Variants in CTNNA2 observed in about 807,000 individuals in gnomAD.
CTNNA2 encodes catenin alpha 2.
CTNNA2 carries 42 observed loss-of-function variants against 101.0 expected under a neutral mutation model. The observed-to-expected ratio is 0.42, with a 90% CI of 0.32 to 0.54. CTNNA2 has a LOEUF of 0.54. Ranked by LOEUF, CTNNA2 falls within the 20% of genes least tolerant of loss-of-function variation. The pLI is 0.14. For missense variants in CTNNA2, 871 were observed against 1,223.1 expected (o/e 0.71, Z 4.29); for synonymous variants, 450 against 456.4 (o/e 0.99, Z 0.18).
intron 3 of CTNNA2, among the ~76,000 whole-genome samples, chr2:79,801,253 T>G (rs1240474663): frequency 6.6e-6 from 1 of 152,160 alleles, no homozygotes; most frequent in Non-Finnish European, 1.5e-5. Flanking sequence ...AGATGGAACC[T>G]AACAGCAGCT....
At chr2:80,039,045 G>A (rs1695857338) in intron 7 of CTNNA2, among the ~76,000 whole-genome samples, 1 of 152,152 alleles carries the variant, frequency 6.6e-6, no homozygotes, top group South Asian at 2.1e-4. Context: ...GCAGGGAGTG[G>A]AGGTGGGAAA....
chr2:80,261,799 C>G (rs1672629278), intron 7 of CTNNA2, among the ~76,000 whole-genome samples: 1 of 152,162 alleles, frequency 6.6e-6, no homozygotes, highest in South Asian at 2.1e-4. Context: ...ATTTATTAGT[C>G]TAAATCCAAC....
intron 7 of CTNNA2, among the ~76,000 whole-genome samples, chr2:80,077,556 A>T (rs559769412): frequency 2.0e-5 from 3 of 151,510 alleles, no homozygotes; most frequent in Non-Finnish European, 4.4e-5. Flanking sequence ...TGAGACCAGC[A>T]TGGGCAACAA....
chr2:80,535,213 C>G (rs1196272274), intron 9 of CTNNA2, among the ~76,000 whole-genome samples: 1 of 152,048 alleles, frequency 6.6e-6, no homozygotes, highest in Non-Finnish European at 1.5e-5. Context: ...CATTACTTTG[C>G]TAAATTCTGT....
chr2:80,239,638 G>A (rs968972938), intron 7 of CTNNA2, among the ~76,000 whole-genome samples: 81 of 152,098 alleles, frequency 5.3e-4, no homozygotes, highest in African/African-American at 1.6e-3. Context: ...ATGGCCTGGC[G>A]TGGTGGCTCA....
At chr2:79,674,190 T>C (rs1256267511) in intron 2 of CTNNA2, among the ~76,000 whole-genome samples, 1 of 152,214 alleles carries the variant, frequency 6.6e-6, no homozygotes, top group Non-Finnish European at 1.5e-5. Flanking sequence ...CAAATAAATA[T>C]GAGCCCTAGA....
chr2:79,188,436 T>G (rs1673810644), intron 1 of CTNNA2, among the ~76,000 whole-genome samples: 1 of 152,202 alleles, frequency 6.6e-6, no homozygotes, highest in South Asian at 2.1e-4. Context: ...GGGCACTTCA[T>G]TTTTGCAAGT....
intron 7 of CTNNA2, among the ~76,000 whole-genome samples, chr2:80,295,189 T>C (rs1292178522): frequency 1.3e-5 from 2 of 151,886 alleles, no homozygotes; most frequent in Non-Finnish European, 2.9e-5. Flanking sequence ...TGTGGCCACT[T>C]ACAATGTAGT....
At chr2:79,260,822 C>T (rs1053066408) in intron 2 of CTNNA2, among the ~76,000 whole-genome samples, 7 of 152,084 alleles carry the variant, frequency 4.6e-5, no homozygotes, top group African/African-American at 1.2e-4. Flanking sequence ...CACAGCTGGG[C>T]CTTCATCCTC....
chr2:79,582,577 T>C (rs1676214059), intron 1 of CTNNA2, among the ~76,000 whole-genome samples: 1 of 152,148 alleles, frequency 6.6e-6, no homozygotes, highest in South Asian at 2.1e-4. Context: ...TGAAAAGTAA[T>C]TTCTCCTTGG....
At chr2:80,055,805 C>T (rs1056072026) in intron 7 of CTNNA2, among the ~76,000 whole-genome samples, 1 of 152,132 alleles carries the variant, frequency 6.6e-6, no homozygotes, top group East Asian at 1.9e-4. Context: ...TATAAGTGTT[C>T]TGGCATGCCT....
At chr2:79,405,150 A>G (rs931183861) in intron 4 of CTNNA2, among the ~76,000 whole-genome samples, 2 of 151,978 alleles carry the variant, frequency 1.3e-5, no homozygotes, top group African/African-American at 4.8e-5. Flanking sequence ...GAGCCCTTTA[A>G]AAAAGAATCT....
At chr2:79,281,737 T>C (rs1463860136) in intron 2 of CTNNA2, among the ~76,000 whole-genome samples, 1 of 152,216 alleles carries the variant, frequency 6.6e-6, no homozygotes, top group Non-Finnish European at 1.5e-5. Context: ...ATCAGCATTT[T>C]TGTTTATTGA....
intron 9 of CTNNA2, among the ~76,000 whole-genome samples, chr2:80,516,362 C>T (rs150039529): frequency 5.1e-4 from 77 of 152,244 alleles, no homozygotes; most frequent in African/African-American, 1.7e-3. Context: ...GATTTCCATG[C>T]GGTCCTTACC....
intron 4 of CTNNA2, among the ~76,000 whole-genome samples, chr2:79,455,201 A>G (rs991170368): frequency 7.9e-5 from 12 of 152,234 alleles, no homozygotes; most frequent in African/African-American, 1.9e-4. Flanking sequence ...TTATTCTTCA[A>G]TCTTATATCC....
chr2:79,416,967 A>T (rs1187016244), intron 4 of CTNNA2, among the ~76,000 whole-genome samples: 1 of 152,124 alleles, frequency 6.6e-6, no homozygotes, highest in African/African-American at 2.4e-5. Flanking sequence ...AACAGTTCTG[A>T]AATTTCTTAT....
chr2:79,947,405 G>A lies in CTNNA2; in HGVS notation c.1056+37608G>A, dbSNP rs183599745. ...AAATTGAGGGTTGGAATGCTTATTT[G>A]TTTTCTAAGTTTTTAAAAATAATAC... On this transcript the variant is annotated intron_variant, in intron 7 of 18. Coordinates refer to ENST00000402739, the MANE Select transcript of CTNNA2 (RefSeq NM_001282597.3). Among the ~76,000 whole-genome samples the A allele has an allele frequency of 1.2e-4, 19 of 152,210 alleles. No homozygotes were observed. In the East Asian group the frequency reaches 1.4e-3, roughly 11 times the overall value.
chr2:79,792,868 T>C (rs1675393404), intron 3 of CTNNA2, among the ~76,000 whole-genome samples: 2 of 152,214 alleles, frequency 1.3e-5, no homozygotes, highest in Admixed American at 6.5e-5. Flanking sequence ...ATATGCAAAA[T>C]ATTTATTTCT....
At chr2:79,642,124 A>T (rs1216138639) in intron 1 of CTNNA2, among the ~76,000 whole-genome samples, 11 of 152,210 alleles carry the variant, frequency 7.2e-5, no homozygotes, top group African/African-American at 2.7e-4. Context: ...TTATTAAAGC[A>T]TTCTTTAATA....
Sources: gnomAD v4.1 joint callset for allele counts (sites outside exome capture counted in the v4.1 genomes callset) on GRCh38, gnomAD v4.1.1 for gene constraint, MANE v1.5 for transcripts, NCBI Gene and HGNC (gene_info 2026-07-23, HGNC 2026-07-21) for gene names.